The following GSTCD variants were observed in gnomAD, a reference collection of about 807,000 sequenced individuals.
GSTCD encodes the protein glutathione S-transferase C-terminal domain-containing protein.
GSTCD carries 44 observed loss-of-function variants against 68.3 expected under a neutral mutation model. That is an observed-to-expected ratio of 0.64 (90% CI 0.51 to 0.83). GSTCD has a LOEUF of 0.83. Ranked by LOEUF, GSTCD falls within the 40% of genes least tolerant of loss-of-function variation. The probability of loss-of-function intolerance (pLI) is 0.00; values close to 1 mark genes in which losing one functional copy is unlikely to be tolerated. For synonymous variants in GSTCD, 273 were observed against 255.2 expected (o/e 1.07, Z -0.67); for missense variants, 739 against 735.9 (o/e 1.00, Z -0.05).
intron 5 of GSTCD, among the ~76,000 whole-genome samples, chr4:105,732,324 A>G (rs1029380413): frequency 2.0e-5 from 3 of 152,022 alleles, no homozygotes; most frequent in African/African-American, 7.2e-5. Context: ...CTGGTCCTGG[A>G]CTTTTTTTGG....
At chr4:105,813,218 T>C (rs1242311294) in intron 5 of GSTCD, among the ~76,000 whole-genome samples, 1 of 152,204 alleles carries the variant, frequency 6.6e-6, no homozygotes, top group Non-Finnish European at 1.5e-5. Context: ...AAATAAAATA[T>C]GCTTAGCACA....
rs558501012 is a variant in GSTCD, at chr4:105,775,939, C to T, written c.1240+46440C>T. On this transcript the variant is annotated intron_variant, in intron 5 of 11. Coordinates refer to ENST00000515279, the MANE Select transcript of GSTCD (RefSeq NM_001370181.1). The stretch of plus-strand genomic sequence containing the variant: ...GGAACATTGAAGTCTGCTGAAAGTG[C>T]GCACACAGCTGCCCCATCCCCCAGG... Among the ~76,000 whole-genome samples, 94 of 152,294 alleles carry T rather than the reference C, an allele frequency of 6.2e-4. 1 individual carries two copies. Among genetic ancestry groups the T allele is most frequent in the Middle Eastern group, 3.4e-3 (1 of 294 alleles).
At chr4:105,731,992 C>A (rs1314829622) in intron 5 of GSTCD, among the ~76,000 whole-genome samples, 1 of 152,044 alleles carries the variant, frequency 6.6e-6, no homozygotes, top group Non-Finnish European at 1.5e-5. Flanking sequence ...TGCTGGATTA[C>A]GTTTATTGAT....
chr4:105,757,770 A>G (rs1734248793), intron 5 of GSTCD, among the ~76,000 whole-genome samples: 1 of 152,184 alleles, frequency 6.6e-6, no homozygotes, highest in Non-Finnish European at 1.5e-5. Flanking sequence ...AAGGAGATAT[A>G]TTCCCTTGAT....
At chr4:105,841,529 A>G (rs377158029) in intron 10 of GSTCD, among the ~76,000 whole-genome samples, 54 of 152,230 alleles carry the variant, frequency 3.5e-4, no homozygotes, top group African/African-American at 1.2e-3. Context: ...CTGTGCATCT[A>G]TTCTTAAGAG....
At chr4:105,782,559 C>G (rs1441460255) in intron 5 of GSTCD, among the ~76,000 whole-genome samples, 4 of 151,954 alleles carry the variant, frequency 2.6e-5, no homozygotes. Context: ...TTCATGGCTT[C>G]ATAATATATA....
chr4:105,790,350 A>G (rs980150942), intron 5 of GSTCD, among the ~76,000 whole-genome samples: 34 of 152,136 alleles, frequency 2.2e-4, no homozygotes, highest in African/African-American at 8.0e-4. Flanking sequence ...TAAGAGCATT[A>G]ATATGATTTA....
chr4:105,754,863 G>T (rs1453443076), intron 5 of GSTCD, among the ~76,000 whole-genome samples: 1 of 151,542 alleles, frequency 6.6e-6, no homozygotes, highest in Non-Finnish European at 1.5e-5. Context: ...ATATTTTTCA[G>T]CAAAACAAGA....
rs372801288 is a variant in GSTCD at position 105,730,011 on chromosome 4, C to T, written c.1240+512C>T. 8.6e-5 allele frequency among the ~76,000 whole-genome samples: 13 copies of T among 151,974 alleles called. No individual in the cohort carries two copies. The East Asian group carries it at 1.9e-3, about 23-fold the overall frequency. ...ATGCGGTGTTTGCTTTTTCTCCTTG[C>T]GATACTTTACTGAGGATGATGGTTT... On this transcript the variant is annotated intron_variant, in intron 5 of 11. Transcript: ENST00000515279.
chr4:105,828,181 G>A (rs1042494494), intron 8 of GSTCD, among the ~76,000 whole-genome samples: 4 of 151,954 alleles, frequency 2.6e-5, no homozygotes, highest in African/African-American at 9.7e-5. Flanking sequence ...TCTCAAAACA[G>A]TTTTATTTTC....
intron 11 of GSTCD, among the ~76,000 whole-genome samples, chr4:105,843,024 T>A (rs1253652943): frequency 6.6e-6 from 1 of 152,204 alleles, no homozygotes; most frequent in African/African-American, 2.4e-5. Context: ...ACCATTATAT[T>A]TTTTCTCTAA....
In GSTCD at chr4:105,726,713, A is replaced by G. The variant is rs1337068971; in HGVS notation, c.1029A>G (p.Pro343=). 1 of 1,614,000 alleles carries G rather than the reference A, an allele frequency of 6.2e-7. No individual in the cohort carries two copies. Among genetic ancestry groups the G allele is most frequent in the Non-Finnish European group, 8.5e-7 (1 of 1,179,918 alleles). Residue 343 remains proline (P), a synonymous_variant, in exon 4 of 12, where the codon CCA becomes CCG. Transcript: ENST00000515279. The stretch of plus-strand genomic sequence containing the variant: ...GTGGGATCCAATTTCTCCATTTACC[A>G]AAGTTGTTGACAACCTCAACTGAAC... ...SKCGIQFLHL[P]KLLTTSTEQH... is the part of the protein sequence containing the mutation.
At chr4:105,743,986 T>C (rs1031704269) in intron 5 of GSTCD, among the ~76,000 whole-genome samples, 1 of 152,226 alleles carries the variant, frequency 6.6e-6, no homozygotes, top group Non-Finnish European at 1.5e-5. Context: ...TACATCGTTA[T>C]AGTATAGTTA....
chr4:105,749,790 G>T (rs1733944413), intron 5 of GSTCD, among the ~76,000 whole-genome samples: 2 of 152,074 alleles, frequency 1.3e-5, no homozygotes, highest in Non-Finnish European at 2.9e-5. Context: ...CCAAGAGAAT[G>T]ATCCATTTTG....
At chr4:105,733,167 G>T (rs1267279313) in intron 5 of GSTCD, among the ~76,000 whole-genome samples, 1 of 152,160 alleles carries the variant, frequency 6.6e-6, no homozygotes, top group African/African-American at 2.4e-5. Flanking sequence ...ATATTCTGTT[G>T]ATTTGGGATG....
intron 1 of GSTCD, among the ~76,000 whole-genome samples, chr4:105,714,119 A>C (rs781108176): frequency 3.3e-5 from 5 of 152,076 alleles, no homozygotes; most frequent in African/African-American, 1.2e-4. Flanking sequence ...TAATGAAATC[A>C]AAGACATAAT....
chr4:105,765,408 C>T (rs1734566136), intron 5 of GSTCD, among the ~76,000 whole-genome samples: 1 of 152,188 alleles, frequency 6.6e-6, no homozygotes, highest in African/African-American at 2.4e-5. Context: ...CTCAAGCACT[C>T]AATGACTGGA....
intron 5 of GSTCD, among the ~76,000 whole-genome samples, chr4:105,805,632 T>C (rs550455550): frequency 1.3e-5 from 2 of 152,186 alleles, no homozygotes; most frequent in East Asian, 3.9e-4. Flanking sequence ...TGGAAACTAA[T>C]CTCCTTAAAA....
At chr4:105,820,165 A>G (rs373737886) in intron 5 of GSTCD, among the ~76,000 whole-genome samples, 2 of 151,614 alleles carry the variant, frequency 1.3e-5, no homozygotes, top group African/African-American at 4.8e-5. Context: ...CTTTGGATGA[A>G]CCAAAAATGC....
Sources: gnomAD v4.1 joint callset for allele counts (sites outside exome capture counted in the v4.1 genomes callset) on GRCh38, gnomAD v4.1.1 for gene constraint, MANE v1.5 for transcripts, NCBI Gene and HGNC (gene_info 2026-07-23, HGNC 2026-07-21) for gene names.